The following SOX6 variants were observed in gnomAD, a reference collection of about 807,000 sequenced individuals.
SOX6 encodes the protein transcription factor SOX-6.
A neutral mutation model predicts 97.8 loss-of-function variants in SOX6; 11 were observed. The observed-to-expected ratio is 0.11, with a 90% confidence interval of 0.07 to 0.19. The LOEUF is 0.19. Among genes scored for constraint, SOX6 ranks in the 10% least tolerant of loss-of-function variants. The probability of loss-of-function intolerance (pLI) is 1.00; values close to 1 mark genes in which losing one functional copy is unlikely to be tolerated. For missense variants in SOX6, 810 were observed against 1,039.5 expected, an observed-to-expected ratio of 0.78 and a Z score of 3.04; for synonymous variants, 360 against 371.4, an observed-to-expected ratio of 0.97 and a Z score of 0.35.
At chr11:16,519,502 C>T (rs12799418) in intron 4 of SOX6, among the ~76,000 whole-genome samples, 58,228 of 151,878 alleles carry the variant, frequency 0.38, 12,370 homozygotes, top group Non-Finnish European at 0.46. Flanking sequence ...CTAGTTCCAT[C>T]GATGTTGCTG....
chr11:16,170,985 A>G (rs1322362527), intron 6 of SOX6, among the ~76,000 whole-genome samples: 1 of 152,008 alleles, frequency 6.6e-6, no homozygotes, highest in Non-Finnish European at 1.5e-5. Flanking sequence ...TCCAAAGTAG[A>G]GTAAGGAAGG....
At chr11:16,012,573 G>A (rs1351042688) in intron 13 of SOX6, among the ~76,000 whole-genome samples, 1 of 151,986 alleles carries the variant, frequency 6.6e-6, no homozygotes, top group Non-Finnish European at 1.5e-5. Flanking sequence ...GAGAGCTGGT[G>A]TATGGCATGA....
chr11:15,978,876 G>T, intron 15 of SOX6, among the ~76,000 whole-genome samples: 3 of 127,652 alleles, frequency 2.4e-5, no homozygotes, highest in African/African-American at 5.8e-5. Context: ...TAACATATAA[G>T]CATTATATAT....
rs776774937 is a variant in SOX6, at chr11:15,989,097, C to T, written c.1866G>A (p.Lys622=). The T allele has an allele frequency of 6.2e-7, 1 of 1,614,222 alleles. No individual in the cohort carries two copies. Among genetic ancestry groups the T allele is most frequent in the South Asian group, 1.1e-5 (1 of 91,088 alleles). Reference sequence around the variant, plus strand: ...AAACCATGAATGCATTCATTGGTCGCTTAATGTGTGGCTCGCTGCTGGCAC... The same window carrying T: ...AAACCATGAATGCATTCATTGGTCGTTTAATGTGTGGCTCGCTGCTGGCAC... ...RGRASSEPHI[K]RPMNAFMVWA... Residue 622 remains lysine, a synonymous_variant, in exon 14 of 16, where the codon AAG becomes AAA. Coordinates refer to ENST00000683767, the MANE Select transcript of SOX6 (RefSeq NM_001367873.1).
intron 15 of SOX6, among the ~76,000 whole-genome samples, chr11:15,976,340 T>A (rs1431041345): frequency 6.6e-6 from 1 of 152,182 alleles, no homozygotes; most frequent in Non-Finnish European, 1.5e-5. Flanking sequence ...GCAGGCTAAT[T>A]ATTATCACTG....
chr11:16,495,484 C>T (rs1216052158), intron 4 of SOX6, among the ~76,000 whole-genome samples: 3 of 152,192 alleles, frequency 2.0e-5, no homozygotes, highest in Non-Finnish European at 4.4e-5. Context: ...CCACCACTGG[C>T]TCCCAAGTAC....
rs1002207845 is a variant in SOX6 at position 16,610,138 on chromosome 11, G to A, written n.609+1943C>T. 3.3e-5 allele frequency among the ~76,000 whole-genome samples: 5 copies of A among 152,276 alleles called. No individual in the cohort carries two copies. Among genetic ancestry groups the A allele is most frequent in the South Asian group, 4.1e-4 (2 of 4,824 alleles). Reference sequence around the variant, plus strand: ...GTCGTTGGGCCTGTTCCAGAGCGTTGCACTCCTCAGCTGTCTGCCCTGGAA... The same window carrying A: ...GTCGTTGGGCCTGTTCCAGAGCGTTACACTCCTCAGCTGTCTGCCCTGGAA... On this transcript the variant is annotated intron_variant and non_coding_transcript_variant, in intron 4 of 5. Coordinates refer to the SOX6 transcript ENST00000524520. This position sits in a 1 kb window ranked among gnomAD's most constrained non-coding sequence, Gnocchi z 4.4.
chr11:16,069,104 T>G (rs1429240227), intron 9 of SOX6, among the ~76,000 whole-genome samples: 1 of 152,210 alleles, frequency 6.6e-6, no homozygotes, highest in African/African-American at 2.4e-5. Flanking sequence ...TCTTTGTTTC[T>G]GTCTTCTTAC....
In SOX6 at chr11:16,368,541, A is replaced by T. The variant is rs1379637884; in HGVS notation, c.-4-27289T>A. Among the ~76,000 whole-genome samples the T allele has an allele frequency of 2.0e-5, 3 of 152,180 alleles. No homozygotes were observed. The East Asian group carries it at 5.8e-4, about 29-fold the overall frequency. The stretch of plus-strand genomic sequence containing the variant: ...GTCTTTTCAACAAATGGTGCTTGGA[A>T]AACTGTATATCTACCTATTTAAAAA... On this transcript the variant is annotated intron_variant, in intron 1 of 15. Transcript: ENST00000396356.
chr11:16,570,534 C>A (rs1471184754), intron 4 of SOX6, among the ~76,000 whole-genome samples: 1 of 152,270 alleles, frequency 6.6e-6, no homozygotes, highest in Non-Finnish European at 1.5e-5. Flanking sequence ...TAAACACACA[C>A]TTTTTCTCTA....
At chr11:16,535,489 T>C (rs1861294264) in intron 4 of SOX6, among the ~76,000 whole-genome samples, 2 of 152,004 alleles carry the variant, frequency 1.3e-5, no homozygotes, top group Non-Finnish European at 2.9e-5. Context: ...CTAGGCAACA[T>C]GGCAAAACCC....
In SOX6 at chr11:16,263,749, A is replaced by ATT. The variant is rs1386189235; in HGVS notation, c.446-29079_446-29078insAA. Among the ~76,000 whole-genome samples, 7 of 14,860 alleles carry ATT rather than the reference A, an allele frequency of 4.7e-4. No individual in the cohort carries two copies. The Admixed American group carries it at 9.8e-3, about 21-fold the overall frequency. 9.7% of individuals were successfully genotyped at this position (14,860 alleles called of 152,430 possible). On this transcript the variant is annotated intron_variant, in intron 3 of 15. Transcript: ENST00000683767. Reference sequence around the variant, plus strand: ...TTGCATATAAAAACTCATGGTCAAAATGTATTTTTTTAACTTCAAACATAC... The same window carrying ATT: ...TTGCATATAAAAACTCATGGTCAAAATTTGTATTTTTTTAACTTCAAACATAC...
At chr11:16,076,903 G>A (rs1194694125) in intron 9 of SOX6, among the ~76,000 whole-genome samples, 7 of 151,480 alleles carry the variant, frequency 4.6e-5, no homozygotes, top group African/African-American at 1.5e-4. Flanking sequence ...ACAGGCGCCC[G>A]CCACCGCGCC....
chr11:16,664,959 C>A (rs1847795905), intron 3 of SOX6, among the ~76,000 whole-genome samples: 1 of 151,900 alleles, frequency 6.6e-6, no homozygotes, highest in Admixed American at 6.6e-5. Context: ...CAGAAGGGAA[C>A]CTCATACCTT....
At chr11:16,611,042 G>A (rs1848391220) in intron 4 of SOX6, among the ~76,000 whole-genome samples, 1 of 152,234 alleles carries the variant, frequency 6.6e-6, no homozygotes, top group Non-Finnish European at 1.5e-5. Flanking sequence ...TGACTTACCT[G>A]CCCGCAGCAG....
intron 3 of SOX6, among the ~76,000 whole-genome samples, chr11:16,308,160 T>C (rs535279916): frequency 6.6e-6 from 1 of 152,312 alleles, no homozygotes; most frequent in East Asian, 1.9e-4. Context: ...AGCTTTTATC[T>C]CTATCTTTGT....
intron 1 of SOX6, among the ~76,000 whole-genome samples, chr11:16,353,118 T>C (rs565304749): frequency 5.3e-5 from 8 of 152,176 alleles, no homozygotes; most frequent in South Asian, 2.1e-4. Flanking sequence ...TGCCCGTTTA[T>C]TTCAAGGCCC....
chr11:16,061,701 G>A (rs549504012), intron 9 of SOX6, among the ~76,000 whole-genome samples: 51 of 151,908 alleles, frequency 3.4e-4, no homozygotes, highest in African/African-American at 1.2e-3. Flanking sequence ...TAGACACGTA[G>A]ATCAATGGAA....
chr11:16,494,984 C>T (rs35885398), intron 4 of SOX6, among the ~76,000 whole-genome samples: 27,817 of 152,034 alleles, frequency 0.18, 2,600 homozygotes, highest in African/African-American at 0.22. Context: ...GCCCAGCACC[C>T]TCCAGACTGC....
Sources: gnomAD v4.1 joint callset for allele counts (sites outside exome capture counted in the v4.1 genomes callset) on GRCh38, gnomAD v4.1.1 for gene constraint, Gnocchi (gnomAD v3.1) non-coding constraint, MANE v1.5 for transcripts, NCBI Gene and HGNC (gene_info 2026-07-23, HGNC 2026-07-21) for gene names.